SLC35F1: variants seen among roughly 807,000 people sequenced by gnomAD.
SLC35F1 encodes the protein chromosome 6 open reading frame 169.
In SLC35F1, 14 loss-of-function variants were observed where a neutral mutation model predicts 48.7. The ratio of observed to expected loss-of-function variants is 0.29; its 90% CI spans 0.19 to 0.45. SLC35F1 has a LOEUF of 0.45. Ranked by LOEUF, SLC35F1 falls within the 20% of genes least tolerant of loss-of-function variation. The pLI, the probability that SLC35F1 is intolerant of heterozygous loss-of-function variation, is 1.00. For synonymous variants in SLC35F1, 190 were observed against 202.2 expected (o/e 0.94, Z 0.51); for missense variants, 404 against 500.0 (o/e 0.81, Z 1.83).
In SLC35F1 at chr6:117,907,538, G is replaced by A; in HGVS notation, c.-189G>A. ...GGGTGCGCGCACTGGGACTGGAGAG[G>A]AGTGAGTGGCGGGCTGGGCGGCGGC... On this transcript the variant is annotated 5_prime_UTR_variant, in exon 1 of 8. Coordinates refer to ENST00000360388, the MANE Select transcript of SLC35F1 (RefSeq NM_001029858.4). The A allele has an allele frequency of 2.8e-6, 1 of 357,178 alleles. No individual in the cohort carries two copies. The allele number at this position is 357,178 out of a possible 1,614,324, so 22.1% of individuals were successfully genotyped here.
intron 1 of SLC35F1, among the ~76,000 whole-genome samples, chr6:118,106,013 TCA>T (rs1487323105): frequency 1.3e-5 from 2 of 152,150 alleles, no homozygotes; most frequent in African/African-American, 4.8e-5. Flanking sequence ...TTCTCAAATC[TCA>T]GTTATCCCTC....
At chr6:117,945,228 C>T (rs1306035216) in intron 1 of SLC35F1, among the ~76,000 whole-genome samples, 7 of 152,302 alleles carry the variant, frequency 4.6e-5, no homozygotes, top group Middle Eastern at 3.4e-3. Flanking sequence ...TCTAATGCTG[C>T]TCAGTCTCAG....
chr6:118,274,808 C>A (rs1452493235), intron 4 of SLC35F1, among the ~76,000 whole-genome samples: 1 of 152,192 alleles, frequency 6.6e-6, no homozygotes, highest in Non-Finnish European at 1.5e-5. Context: ...TTGAAAATTT[C>A]AACCCATAAA....
intron 1 of SLC35F1, among the ~76,000 whole-genome samples, chr6:118,071,769 G>T (rs999182925): frequency 6.6e-6 from 1 of 152,114 alleles, no homozygotes; most frequent in Non-Finnish European, 1.5e-5. Context: ...TTAAGCACCT[G>T]CTATGGCTGA....
intron 1 of SLC35F1, among the ~76,000 whole-genome samples, chr6:118,127,112 T>G (rs927910818): frequency 6.7e-6 from 1 of 150,166 alleles, no homozygotes; most frequent in African/African-American, 2.4e-5. Context: ...ATATTGGCTG[T>G]GGGTTTGTCA....
chr6:118,252,444 A>T (rs778871603), intron 3 of SLC35F1, among the ~76,000 whole-genome samples: 11 of 152,124 alleles, frequency 7.2e-5, no homozygotes, highest in Non-Finnish European at 1.5e-4. Context: ...TCACCGGGGG[A>T]ATGGTTGTGC....
chr6:118,083,694 C>T (rs1483805200), intron 1 of SLC35F1, among the ~76,000 whole-genome samples: 1 of 152,124 alleles, frequency 6.6e-6, no homozygotes, highest in Non-Finnish European at 1.5e-5. Flanking sequence ...TGTGGTGGAT[C>T]GTGATTGGTA....
intron 3 of SLC35F1, among the ~76,000 whole-genome samples, chr6:118,249,194 GGT>G (rs1775542975): frequency 6.6e-6 from 1 of 152,204 alleles, no homozygotes; most frequent in African/African-American, 2.4e-5. Context: ...CCTCCAGGCA[GGT>G]TCGAAGGCAC....
chr6:118,091,004 G>C lies in SLC35F1; in HGVS notation c.174-63441G>C, dbSNP rs1773065474. 1.3e-5 allele frequency among the ~76,000 whole-genome samples: 2 copies of C among 152,108 alleles called. 1 individual carries two copies. The highest frequency in any genetic ancestry group is 4.1e-4 in the South Asian group (2 of 4,824). Reference sequence around the variant, plus strand: ...GCTGATGGGACTTGTCAGTAGATTGGATTTTGGGCATGAGAAAAAGAGAGA... The same window carrying C: ...GCTGATGGGACTTGTCAGTAGATTGCATTTTGGGCATGAGAAAAAGAGAGA... On this transcript the variant is annotated intron_variant, in intron 1 of 7. Transcript: ENST00000360388.
chr6:118,085,685 A>T (rs1772979654), intron 1 of SLC35F1, among the ~76,000 whole-genome samples: 1 of 130,628 alleles, frequency 7.7e-6, no homozygotes, highest in Non-Finnish European at 1.6e-5. Flanking sequence ...GCCAAATATT[A>T]ATCACGGATT....
intron 6 of SLC35F1, among the ~76,000 whole-genome samples, chr6:118,284,071 G>A (rs1369158242): frequency 1.3e-5 from 2 of 152,092 alleles, no homozygotes; most frequent in Non-Finnish European, 2.9e-5. Context: ...ACGATGATTT[G>A]TGCCCTTAAG....
chr6:118,235,481 C>T (rs202084054), intron 2 of SLC35F1, 28 bp from the exon 3 acceptor site: 3 of 1,603,844 alleles, frequency 1.9e-6, no homozygotes, highest in African/African-American at 2.7e-5. Flanking sequence ...AGGAACCTAA[C>T]CCATTTCTTC....
chr6:118,088,781 A>G (rs1773029776), intron 1 of SLC35F1, among the ~76,000 whole-genome samples: 1 of 152,142 alleles, frequency 6.6e-6, no homozygotes, highest in Non-Finnish European at 1.5e-5. Context: ...GCCATGCATC[A>G]TTGCATAAAG....
At chr6:118,089,458 A>G (rs1195872235) in intron 1 of SLC35F1, among the ~76,000 whole-genome samples, 2 of 152,182 alleles carry the variant, frequency 1.3e-5, no homozygotes, top group East Asian at 3.9e-4. Flanking sequence ...GATACTCATT[A>G]CTTCCAAAGT....
chr6:118,223,242 C>T (rs1207425427), intron 2 of SLC35F1, among the ~76,000 whole-genome samples: 3 of 152,148 alleles, frequency 2.0e-5, no homozygotes, highest in African/African-American at 4.8e-5. Flanking sequence ...GGAGAGACCT[C>T]GGAAAAATAA....
At position 118,277,558 on chromosome 6, in the gene SLC35F1, G is replaced by C. The variant is rs757326583; in HGVS notation, c.847+12G>C. On this transcript the variant is annotated intron_variant, in intron 6 of 7. Transcript: ENST00000360388. ...GGACTGGCAAATAGGTAAGGAGTTG[G>C]CTCACATACGATGCTCTTTTTATAA... 6.2e-7 allele frequency: 1 copy of C among 1,612,366 alleles called. No individual in the cohort carries two copies. Among genetic ancestry groups the C allele is most frequent in the African/African-American group, 1.3e-5 (1 of 75,032 alleles).
chr6:118,256,669 T>G (rs1775650542), intron 3 of SLC35F1, among the ~76,000 whole-genome samples: 1 of 152,180 alleles, frequency 6.6e-6, no homozygotes, highest in African/African-American at 2.4e-5. Context: ...TTGAAAACAC[T>G]GACCTGACTC....
intron 2 of SLC35F1, among the ~76,000 whole-genome samples, chr6:118,226,131 A>G (rs899134441): frequency 2.6e-5 from 4 of 152,234 alleles, no homozygotes; most frequent in African/African-American, 9.6e-5. Flanking sequence ...ACTCAACATC[A>G]CTAATCATGA....
chr6:118,185,240 T>C (rs540680354), intron 2 of SLC35F1, among the ~76,000 whole-genome samples: 7 of 152,314 alleles, frequency 4.6e-5, no homozygotes, highest in African/African-American at 7.2e-5. Context: ...TGCTGCTTTT[T>C]CCCTTGGTTA....
Sources: allele counts gnomAD v4.1 joint callset (sites outside exome capture counted in the v4.1 genomes callset), GRCh38; gene constraint gnomAD v4.1.1; transcripts MANE v1.5; gene names NCBI Gene and HGNC (gene_info 2026-07-23, HGNC 2026-07-21).